PTPN14: variants seen among roughly 807,000 people sequenced by gnomAD.
PTPN14 encodes the protein tyrosine-protein phosphatase non-receptor type 14.
In PTPN14, 53 loss-of-function variants were observed where a neutral mutation model predicts 126.8. The ratio of observed to expected loss-of-function variants is 0.42; its 90% CI spans 0.34 to 0.53. The LOEUF is 0.53. Among genes scored for constraint, PTPN14 ranks in the 20% least tolerant of loss-of-function variants. PTPN14 has a pLI of 0.08. For synonymous variants in PTPN14, 630 were observed against 599.3 expected, an observed-to-expected ratio of 1.05 and a Z score of -0.75; for missense variants, 1,257 against 1,552.9, an observed-to-expected ratio of 0.81 and a Z score of 3.20.
At position 214,358,018 on chromosome 1, in the gene PTPN14, G is replaced by A; in HGVS notation, c.3468C>T (p.Leu1156=). The change falls in exon 19 of 19, where the codon CTC becomes CTT. Residue 1156 remains leucine (L), a synonymous_variant. Transcript: ENST00000366956. ...KVEVPMMLRL[L]REQRMFMIQT... ...GGATCATGAACATCCTCTGCTCCCTGAGGAGCCTCAGCATCATGGGCACTT... is the reference window on the plus strand; with the variant it reads ...GGATCATGAACATCCTCTGCTCCCTAAGGAGCCTCAGCATCATGGGCACTT... The A allele has an allele frequency of 1.9e-6, 3 of 1,613,718 alleles. No homozygotes were observed. Among genetic ancestry groups the A allele is most frequent in the South Asian group, 2.2e-5 (2 of 91,036 alleles).
At chr1:214,358,751 T>TC (rs1657883893) in intron 18 of PTPN14, among the ~76,000 whole-genome samples, 1 of 151,588 alleles carries the variant, frequency 6.6e-6, no homozygotes, top group African/African-American at 2.4e-5. Flanking sequence ...TATTCCTTTT[T>TC]TTTTTTTTGA....
chr1:214,542,565 C>T (rs1293443130), intron 1 of PTPN14, among the ~76,000 whole-genome samples: 1 of 152,116 alleles, frequency 6.6e-6, no homozygotes, highest in East Asian at 1.9e-4. Context: ...GGACACAGGG[C>T]ACAGTGAGGT....
rs555209522 is a variant in PTPN14 at position 214,438,843 on chromosome 1, T to TA, written c.344+12961dup. Among the ~76,000 whole-genome samples, 202 of 152,156 alleles carry TA rather than the reference T, an allele frequency of 1.3e-3. 2 individuals carry two copies. In the South Asian group the frequency reaches 0.029, roughly 21 times the overall value. On this transcript the variant is annotated intron_variant, in intron 3 of 18. Coordinates refer to ENST00000366956, the MANE Select transcript of PTPN14 (RefSeq NM_005401.5). ...CTACCTTCTAGTATATCTTTTCATT[T>TA]AAAAAAAACAAATATTATTTGAAGA...
chr1:214,403,384 A>G (rs1342534644), intron 5 of PTPN14, among the ~76,000 whole-genome samples: 1 of 152,166 alleles, frequency 6.6e-6, no homozygotes, highest in Non-Finnish European at 1.5e-5. Context: ...GCCTTTCTGT[A>G]TACCAGGAAA....
intron 1 of PTPN14, among the ~76,000 whole-genome samples, chr1:214,545,675 T>C (rs542874100): frequency 6.6e-6 from 1 of 152,238 alleles, no homozygotes; most frequent in South Asian, 2.1e-4. Flanking sequence ...GATTTGTTAC[T>C]GGGGTTTGAG....
chr1:214,380,129 A>G (rs1174070253), intron 13 of PTPN14, among the ~76,000 whole-genome samples: 3 of 152,056 alleles, frequency 2.0e-5, no homozygotes, highest in Non-Finnish European at 2.9e-5. Flanking sequence ...TTGGGGAGAA[A>G]GAGTTTTTCT....
intron 1 of PTPN14, among the ~76,000 whole-genome samples, chr1:214,468,559 A>G (rs1402686008): frequency 2.7e-5 from 4 of 149,912 alleles, no homozygotes; most frequent in Non-Finnish European, 6.0e-5. Context: ...TCTCAAAAAC[A>G]AAAAAAAGAA....
At chr1:214,405,925 G>A (rs1490112244) in intron 5 of PTPN14, among the ~76,000 whole-genome samples, 1 of 152,144 alleles carries the variant, frequency 6.6e-6, no homozygotes, top group Non-Finnish European at 1.5e-5. Context: ...GCACAGCTGG[G>A]ATAGGGTCAC....
chr1:214,505,533 C>G (rs1654819683), intron 1 of PTPN14, among the ~76,000 whole-genome samples: 1 of 152,198 alleles, frequency 6.6e-6, no homozygotes, highest in African/African-American at 2.4e-5. Flanking sequence ...ATGGGAGATG[C>G]AGCAGCCTCA....
At chr1:214,394,132 C>T (rs1470506660) in intron 9 of PTPN14, among the ~76,000 whole-genome samples, 1 of 152,220 alleles carries the variant, frequency 6.6e-6, no homozygotes, top group Non-Finnish European at 1.5e-5. Flanking sequence ...AAATTGGAGG[C>T]AGTGAGATGC....
intron 1 of PTPN14, among the ~76,000 whole-genome samples, chr1:214,512,405 T>C (rs1319661079): frequency 1.3e-5 from 2 of 152,162 alleles, no homozygotes; most frequent in East Asian, 3.8e-4. Flanking sequence ...GGAAATTTAA[T>C]AAAATTAAAA....
In PTPN14 at chr1:214,401,777, A is replaced by T; in HGVS notation, c.582-5T>A. ...GCTTCTGCTGGCAGGATTCCACTAA[A>T]ATCAAAATAGCATCAAAGGAAGAAA... On this transcript the variant is annotated splice_polypyrimidine_tract_variant and splice_region_variant and intron_variant, in intron 6 of 18. Coordinates refer to ENST00000366956, the MANE Select transcript of PTPN14 (RefSeq NM_005401.5). 6.4e-7 allele frequency: 1 copy of T among 1,560,880 alleles called. No homozygotes were observed. The highest frequency in any genetic ancestry group is 8.8e-7 in the Non-Finnish European group (1 of 1,134,172).
At chr1:214,549,732 C>T (rs1198457093) in intron 1 of PTPN14, among the ~76,000 whole-genome samples, 1 of 152,112 alleles carries the variant, frequency 6.6e-6, no homozygotes, top group Non-Finnish European at 1.5e-5. Flanking sequence ...CGAGCATGGG[C>T]CAATTAAAAT....
At position 214,426,864 on chromosome 1, in the gene PTPN14, C is replaced by T. The variant is rs114512272; in HGVS notation, c.345-12138G>A. On this transcript the variant is annotated intron_variant, in intron 3 of 18. Coordinates refer to ENST00000366956, the MANE Select transcript of PTPN14 (RefSeq NM_005401.5). Reference sequence around the variant, plus strand: ...CAGTGGCTGTACGGGGCACACCCTGCGGGCATCAGGCCATATTCAAAGGAG... The same window carrying T: ...CAGTGGCTGTACGGGGCACACCCTGTGGGCATCAGGCCATATTCAAAGGAG... Among the ~76,000 whole-genome samples, 413 of 152,248 alleles carry T rather than the reference C, an allele frequency of 2.7e-3. 4 individuals carry two copies. Among genetic ancestry groups the T allele is most frequent in the African/African-American group, 9.5e-3 (396 of 41,566 alleles).
chr1:214,363,981 T>G (rs1658012676), intron 18 of PTPN14, among the ~76,000 whole-genome samples: 1 of 152,152 alleles, frequency 6.6e-6, no homozygotes, highest in Non-Finnish European at 1.5e-5. Flanking sequence ...GACGGGGATG[T>G]TTGCGTGCTC....
intron 2 of PTPN14, among the ~76,000 whole-genome samples, chr1:214,456,273 A>G (rs12757404): frequency 0.38 from 57,787 of 152,058 alleles, 11,274 homozygotes; most frequent in East Asian, 0.53. Context: ...ATCTTACCCA[A>G]TATTTCAGCT....
chr1:214,352,964 A>G lies in PTPN14; in HGVS notation c.*4958T>C, dbSNP rs998382527. 1 of 152,074 alleles carries G rather than the reference A, an allele frequency of 6.6e-6. No individual in the cohort carries two copies. The highest frequency in any genetic ancestry group is 2.4e-5 in the African/African-American group (1 of 41,410). The allele number at this position is 152,074 out of a possible 1,614,324, so 9.4% of individuals were successfully genotyped here. A position where few individuals can be genotyped will look rare whatever the true frequency, so the allele number is the denominator to read the frequency against. The stretch of plus-strand genomic sequence containing the variant: ...CAGTAATTATGTGGTGCTTCCGGAA[A>G]TGTCTTACTCTAGGAGCTCCACAGA... On this transcript the variant is annotated 3_prime_UTR_variant, in exon 19 of 19. Coordinates refer to ENST00000366956, the MANE Select transcript of PTPN14 (RefSeq NM_005401.5).
At chr1:214,490,848 A>AGG (rs1661215904) in intron 1 of PTPN14, among the ~76,000 whole-genome samples, 1 of 32,632 alleles carries the variant, frequency 3.1e-5, no homozygotes, top group African/African-American at 1.3e-4. Context: ...AGGAAAGGAA[A>AGG]GGAAGGGAAG....
intron 7 of PTPN14, among the ~76,000 whole-genome samples, chr1:214,398,955 G>A (rs890600311): frequency 2.6e-5 from 4 of 151,240 alleles, no homozygotes; most frequent in African/African-American, 9.7e-5. Context: ...TTTTAGTAGA[G>A]ACAGGGTTTC....
Sources: gnomAD v4.1 joint callset for allele counts (sites outside exome capture counted in the v4.1 genomes callset) on GRCh38, gnomAD v4.1.1 for gene constraint, MANE v1.5 for transcripts, NCBI Gene and HGNC (gene_info 2026-07-23, HGNC 2026-07-21) for gene names.